Variants in NAA25 observed in about 807,000 individuals in gnomAD.
The protein encoded by NAA25 is N-terminal acetyltransferase B complex subunit NAA25.
Under a neutral mutation model 132.5 loss-of-function variants are expected in NAA25, and 30 were observed. That is an observed-to-expected ratio of 0.23 (90% confidence interval 0.17 to 0.31). The LOEUF is 0.31. Ranked by LOEUF, NAA25 falls within the 10% of genes least tolerant of loss-of-function variation. The pLI is 1.00. For synonymous variants in NAA25, 359 were observed against 401.9 expected, an observed-to-expected ratio of 0.89 and a Z score of 1.28; for missense variants, 771 against 1,150.4, an observed-to-expected ratio of 0.67 and a Z score of 4.77.
intron 6 of NAA25, 139 bp downstream of exon 6, chr12:112,078,495 G>A: frequency 1.3e-6 from 1 of 768,326 alleles, no homozygotes; most frequent in South Asian, 1.8e-5. Flanking sequence ...CTACGCTGAG[G>A]GCTTCAGATT....
chr12:112,077,873 C>T (rs1357048289), intron 7 of NAA25, among the ~76,000 whole-genome samples: 6 of 150,548 alleles, frequency 4.0e-5, no homozygotes, highest in Admixed American at 2.6e-4. Context: ...TGTTTTCATT[C>T]GTGTTTAAAA....
intron 12 of NAA25, 63 bp from the exon 13 acceptor site, chr12:112,060,422 G>C: frequency 5.4e-6 from 6 of 1,120,648 alleles, no homozygotes; most frequent in Non-Finnish European, 7.9e-6. Flanking sequence ...CCCCAAAGGA[G>C]TTTTTAAAAG....
chr12:112,039,855 CT>C (rs1462574357), intron 21 of NAA25: 1 of 154,672 alleles, frequency 6.5e-6, no homozygotes, highest in African/African-American at 2.4e-5. Flanking sequence ...TTCTCCTATA[CT>C]ACAGTGTGTG....
At chr12:112,086,496 A>C (rs2079059369) in intron 4 of NAA25, among the ~76,000 whole-genome samples, 1 of 151,862 alleles carries the variant, frequency 6.6e-6, no homozygotes, top group Admixed American at 6.6e-5. Flanking sequence ...CTCCATCACA[A>C]AAAAGAAAAA....
intron 15 of NAA25, among the ~76,000 whole-genome samples, chr12:112,050,178 T>C (rs2078442828): frequency 6.6e-6 from 1 of 152,160 alleles, no homozygotes; most frequent in Admixed American, 6.5e-5. Flanking sequence ...AGTCCTTCTG[T>C]AACACTGCAG....
chr12:112,091,598 T>C (rs1027253065), intron 2 of NAA25, among the ~76,000 whole-genome samples: 1 of 150,792 alleles, frequency 6.6e-6, no homozygotes, highest in South Asian at 2.1e-4. Context: ...GAGGCTGAGG[T>C]AGGAGGATCG....
intron 8 of NAA25, among the ~76,000 whole-genome samples, chr12:112,075,000 T>G (rs1422607996): frequency 6.6e-6 from 1 of 152,170 alleles, no homozygotes; most frequent in Admixed American, 6.5e-5. Flanking sequence ...TGACCAGGTC[T>G]AGAAAACTAA....
At chr12:112,074,846 T>C (rs914095167) in intron 8 of NAA25, 82 bp from the exon 9 acceptor site, 8 of 952,248 alleles carry the variant, frequency 8.4e-6, no homozygotes, top group East Asian at 7.7e-5. Flanking sequence ...ATTCAATTTA[T>C]TTTGTAAGTT....
At chr12:112,041,331 G>A (rs969484684) in intron 20 of NAA25, among the ~76,000 whole-genome samples, 2 of 151,930 alleles carry the variant, frequency 1.3e-5, no homozygotes, top group Non-Finnish European at 2.9e-5. Flanking sequence ...GGGACTACAG[G>A]AGCCCGCCAC....
chr12:112,030,211 A>C (rs1003692122), intron 23 of NAA25, among the ~76,000 whole-genome samples: 4 of 27,102 alleles, frequency 1.5e-4, no homozygotes, highest in African/African-American at 3.4e-4. Flanking sequence ...AAGCTGTCTC[A>C]AAAAAAAAAA....
chr12:112,061,522 T>C (rs1404451550), intron 11 of NAA25, 134 bp from the exon 12 acceptor site: 2 of 713,510 alleles, frequency 2.8e-6, no homozygotes, highest in East Asian at 5.5e-5. Flanking sequence ...CATAAACCAT[T>C]TTCTATCTAC....
At chr12:112,034,628 AAACAAC>A (rs57168073) in intron 22 of NAA25, 28 of 151,334 alleles carry the variant, frequency 1.9e-4, no homozygotes, top group Admixed American at 3.3e-4. Context: ...TCCGTCTCAA[AAACAAC>A]AACAACAACA....
intron 10 of NAA25, among the ~76,000 whole-genome samples, chr12:112,071,011 T>G (rs1014891900): frequency 2.0e-5 from 3 of 152,216 alleles, no homozygotes; most frequent in Non-Finnish European, 4.4e-5. Flanking sequence ...CCTCCCAAAG[T>G]GCTGGGATTA....
intron 9 of NAA25, among the ~76,000 whole-genome samples, chr12:112,072,479 T>C (rs1208473331): frequency 2.0e-5 from 3 of 151,318 alleles, no homozygotes; most frequent in South Asian, 2.1e-4. Context: ...CGTGGTGGCA[T>C]GCACCTGTAG....
chr12:112,069,128 T>C, intron 10 of NAA25, 136 bp from the exon 11 acceptor site: 1 of 609,914 alleles, frequency 1.6e-6, no homozygotes, highest in Non-Finnish European at 2.9e-6. Flanking sequence ...TAGCGGGTTA[T>C]CTCAACTACT....
At chr12:112,082,017 G>A (rs1593812818) in intron 4 of NAA25, among the ~76,000 whole-genome samples, 1 of 152,146 alleles carries the variant, frequency 6.6e-6, no homozygotes, top group Non-Finnish European at 1.5e-5. Flanking sequence ...TTGGGAGGCC[G>A]AGGCTGGCAG....
intron 4 of NAA25, among the ~76,000 whole-genome samples, chr12:112,082,523 T>C (rs528021950): frequency 6.8e-6 from 1 of 147,640 alleles, no homozygotes; most frequent in African/African-American, 2.5e-5. Context: ...CAGTGAGCTA[T>C]GATCACACTA....
chr12:112,037,241 T>C (rs1219180749), intron 22 of NAA25, among the ~76,000 whole-genome samples: 2 of 139,554 alleles, frequency 1.4e-5, no homozygotes, highest in African/African-American at 2.6e-5. Flanking sequence ...AAAGAGTCCA[T>C]GGTGATACTC....
chr12:112,108,698 C>A lies in NAA25; in HGVS notation c.58+18G>T, dbSNP rs749865163. ...TCGGCGCGTCGGGCTGGCGAGCGGG[C>A]TGGTCCAAGACACTCACCGTAAATG... On this transcript the variant is annotated intron_variant, in intron 1 of 23. Transcript: ENST00000261745. The A allele has an allele frequency of 2.8e-5, 41 of 1,474,758 alleles. No homozygotes were observed. Among genetic ancestry groups the A allele is most frequent in the Non-Finnish European group, 3.0e-5 (33 of 1,105,534 alleles). The allele number at this position is 1,474,758 out of a possible 1,614,324, so 91.4% of individuals were successfully genotyped here. A position where few individuals can be genotyped will look rare whatever the true frequency, so the allele number is the denominator to read the frequency against.
Sources: allele counts gnomAD v4.1 joint callset (sites outside exome capture counted in the v4.1 genomes callset), GRCh38; gene constraint gnomAD v4.1.1; transcripts MANE v1.5; gene names NCBI Gene and HGNC (gene_info 2026-07-23, HGNC 2026-07-21).